Variants in ABLIM1 observed in about 807,000 individuals in gnomAD.
The protein encoded by ABLIM1 is actin-binding LIM protein 1.
Under a neutral mutation model 107.0 loss-of-function variants are expected in ABLIM1, and 40 were observed. The ratio of observed to expected loss-of-function variants is 0.37; its 90% confidence interval spans 0.29 to 0.49. The LOEUF is 0.49. Ranked by LOEUF, ABLIM1 falls within the 20% of genes least tolerant of loss-of-function variation. The pLI is 0.97. For missense variants in ABLIM1, 857 were observed against 1,008.5 expected (o/e 0.85, Z 2.04); for synonymous variants, 357 against 357.3 (o/e 1.00, Z 0.01).
intron 2 of ABLIM1, among the ~76,000 whole-genome samples, chr10:114,593,210 A>G (rs1247458678): frequency 6.6e-6 from 1 of 152,218 alleles, no homozygotes; most frequent in African/African-American, 2.4e-5. Flanking sequence ...TTCTTCCTTG[A>G]TAAAGCTGGG....
intron 1 of ABLIM1, 61 bp downstream of exon 1, chr10:114,657,894 ACT>A (rs2079600127): frequency 7.5e-7 from 1 of 1,329,974 alleles, no homozygotes; most frequent in Non-Finnish European, 1.1e-6. Context: ...TCTGGATAGT[ACT>A]CTCTTAATTA....
intron 1 of ABLIM1, among the ~76,000 whole-genome samples, chr10:114,757,886 T>G (rs568237987): frequency 6.6e-6 from 1 of 152,130 alleles, no homozygotes; most frequent in South Asian, 2.1e-4. Context: ...TTCCCCCAAC[T>G]ACCTCTCTGA....
At position 114,629,453 on chromosome 10, in the gene ABLIM1, T is replaced by TTCCTGC. The variant is rs1415331805; in HGVS notation, c.245-27498_245-27493dup. ...TGAATCAAGAAGGCACAGGTTCCTG[T>TTCCTGC]TCCTGCTCTGACAACGGGCCAACCT... On this transcript the variant is annotated intron_variant, in intron 1 of 22. Coordinates refer to ENST00000533213, the MANE Select transcript of ABLIM1 (RefSeq NM_002313.7). The surrounding 1 kb of genome is among the most constrained non-coding windows in gnomAD (Gnocchi z 4.0). Among the ~76,000 whole-genome samples, 1 of 152,182 alleles carries TTCCTGC rather than the reference T, an allele frequency of 6.6e-6. No homozygotes were observed. The highest frequency in any genetic ancestry group is 2.4e-5 in the African/African-American group (1 of 41,440).
chr10:114,759,484 T>C (rs1252557025), intron 1 of ABLIM1, among the ~76,000 whole-genome samples: 2 of 152,224 alleles, frequency 1.3e-5, no homozygotes, highest in Admixed American at 1.3e-4. Flanking sequence ...AAAATCATCA[T>C]GTGAATTACC....
intron 6 of ABLIM1, among the ~76,000 whole-genome samples, chr10:114,497,335 T>C (rs1220437972): frequency 6.6e-6 from 1 of 152,166 alleles, no homozygotes; most frequent in Non-Finnish European, 1.5e-5. Flanking sequence ...CAGAGCGCCA[T>C]CACTGCTCTT....
upstream of ABLIM1, among the ~76,000 whole-genome samples, chr10:114,769,198 C>CAAAAAAAAAAAAAAAAAAAAAAAAA (rs2082975545): frequency 1.4e-5 from 1 of 70,156 alleles, no homozygotes; most frequent in African/African-American, 5.5e-5. Flanking sequence ...AAAAAAAAAG[C>CAAAAAAAAAAAAAAAAAAAAAAAAA]AAATTAGCAG....
chr10:114,446,222 C>T (rs2061001825), intron 15 of ABLIM1, among the ~76,000 whole-genome samples: 1 of 152,206 alleles, frequency 6.6e-6, no homozygotes, highest in African/African-American at 2.4e-5. Flanking sequence ...GTCTTCTACT[C>T]TTAGTAAATT....
chr10:114,544,031 G>A (rs1207582356), intron 6 of ABLIM1, among the ~76,000 whole-genome samples: 1 of 152,192 alleles, frequency 6.6e-6, no homozygotes, highest in East Asian at 1.9e-4. Context: ...GAAACCCCAC[G>A]GAAGAGACAG....
chr10:114,750,983 T>G (rs572718259), intron 1 of ABLIM1, among the ~76,000 whole-genome samples: 113 of 152,234 alleles, frequency 7.4e-4, no homozygotes, highest in Non-Finnish European at 1.5e-3. Flanking sequence ...ATGAAGAATC[T>G]GCCTTAACTA....
At chr10:114,651,148 C>T (rs1054035307) in intron 1 of ABLIM1, among the ~76,000 whole-genome samples, 2 of 152,106 alleles carry the variant, frequency 1.3e-5, no homozygotes, top group Non-Finnish European at 2.9e-5. Flanking sequence ...AATTTAATGC[C>T]GAATTGTATT....
intron 19 of ABLIM1, among the ~76,000 whole-genome samples, chr10:114,440,622 G>A (rs1214724677): frequency 6.6e-6 from 1 of 151,996 alleles, no homozygotes; most frequent in Non-Finnish European, 1.5e-5. Flanking sequence ...ATAATTTGTT[G>A]TTGTTGTTTT....
chr10:114,778,875 C>G, the ABLIM1 span: 52,425 of 151,906 alleles, frequency 0.35, 10,923 homozygotes, highest in Non-Finnish European at 0.47. Flanking sequence ...TCCACTACAC[C>G]CCCCCATAAC....
chr10:114,450,299 T>A (rs2139586647), intron 14 of ABLIM1, among the ~76,000 whole-genome samples: 1 of 150,594 alleles, frequency 6.6e-6, no homozygotes, highest in South Asian at 2.1e-4. Flanking sequence ...AGAAAAAAAA[T>A]CATAGCTCTA....
the ABLIM1 span, among the ~76,000 whole-genome samples, chr10:114,784,726 A>C: frequency 6.6e-6 from 1 of 151,912 alleles, no homozygotes; most frequent in African/African-American, 2.4e-5. Flanking sequence ...CTGGAGAAGG[A>C]AGACAAGTCA....
chr10:114,437,697 G>C, intron 22 of ABLIM1, 147 bp downstream of exon 22: 1 of 662,476 alleles, frequency 1.5e-6, no homozygotes, highest in East Asian at 2.7e-5. Flanking sequence ...TTTCTCCAAA[G>C]TTATTTCTTA....
chr10:114,633,580 TAA>T (rs922561124), intron 1 of ABLIM1, among the ~76,000 whole-genome samples: 2 of 152,156 alleles, frequency 1.3e-5, no homozygotes, highest in Non-Finnish European at 2.9e-5. Flanking sequence ...ATGTTTTTCC[TAA>T]GTCAGCAGCC....
intron 13 of ABLIM1, among the ~76,000 whole-genome samples, chr10:114,452,375 G>A (rs1245814848): frequency 3.3e-5 from 5 of 152,052 alleles, no homozygotes; most frequent in African/African-American, 1.2e-4. Flanking sequence ...CCCCAGAACC[G>A]TGGGCACTGT....
the ABLIM1 span, among the ~76,000 whole-genome samples, chr10:114,787,889 G>A: frequency 1.9e-3 from 281 of 147,380 alleles, 7 homozygotes; most frequent in East Asian, 0.048. Context: ...GAATAGAAAG[G>A]GGGGAAAGGT....
At chr10:114,719,136 C>T (rs1421319057) in intron 1 of ABLIM1, among the ~76,000 whole-genome samples, 1 of 151,840 alleles carries the variant, frequency 6.6e-6, no homozygotes, top group South Asian at 2.1e-4. Context: ...AAAAACAAAA[C>T]CAAACAAAAA....
Sources: gnomAD v4.1 joint callset for allele counts (sites outside exome capture counted in the v4.1 genomes callset) on GRCh38, gnomAD v4.1.1 for gene constraint, Gnocchi (gnomAD v3.1) non-coding constraint, MANE v1.5 for transcripts, NCBI Gene and HGNC (gene_info 2026-07-23, HGNC 2026-07-21) for gene names.